RNF182: variants seen among roughly 807,000 people sequenced by gnomAD.
RNF182 encodes E3 ubiquitin-protein ligase RNF182.
Under a neutral mutation model 14.4 loss-of-function variants are expected in RNF182, and 15 were observed. The observed-to-expected ratio is 1.04, with a 90% CI of 0.70 to 1.60. RNF182 has a LOEUF of 1.60. Ranked by LOEUF, RNF182 falls within the 40% of genes most tolerant of loss-of-function variation. The pLI is 0.00. For missense variants in RNF182, 268 were observed against 294.8 expected (o/e 0.91, Z 0.67); for synonymous variants, 128 against 122.9 (o/e 1.04, Z -0.27).
chr6:13,943,352 C>A (rs1759347679), intron 1 of RNF182, among the ~76,000 whole-genome samples: 1 of 151,470 alleles, frequency 6.6e-6, no homozygotes, highest in African/African-American at 2.4e-5. Flanking sequence ...AACTGCTGGG[C>A]TCAAGTGATC....
intron 1 of RNF182, among the ~76,000 whole-genome samples, chr6:13,948,355 G>C (rs1336420224): frequency 6.6e-6 from 1 of 152,126 alleles, no homozygotes; most frequent in Admixed American, 6.6e-5. Context: ...AGACACAATT[G>C]ACAAGGAAAT....
At chr6:13,935,619 A>G (rs1441691245) in intron 1 of RNF182, among the ~76,000 whole-genome samples, 2 of 152,200 alleles carry the variant, frequency 1.3e-5, no homozygotes, top group South Asian at 4.1e-4. Context: ...TTGATGATCC[A>G]AAAAGATAGC....
chr6:13,943,740 A>G (rs898109355), intron 1 of RNF182, among the ~76,000 whole-genome samples: 1 of 152,186 alleles, frequency 6.6e-6, no homozygotes, highest in Non-Finnish European at 1.5e-5. Context: ...TAAAAATGAT[A>G]AGACATATTT....
chr6:13,960,018 A>T (rs1157558440), intron 1 of RNF182, among the ~76,000 whole-genome samples: 2 of 152,198 alleles, frequency 1.3e-5, no homozygotes, highest in African/African-American at 4.8e-5. Context: ...GAGCTGGCAG[A>T]AAAGATTGAG....
chr6:13,946,513 G>C (rs1024336250), intron 1 of RNF182, among the ~76,000 whole-genome samples: 8 of 152,122 alleles, frequency 5.3e-5, no homozygotes, highest in Non-Finnish European at 1.2e-4. Flanking sequence ...AAGATATCAG[G>C]ACATCAGGAC....
chr6:13,944,252 T>C (rs1759379103), intron 1 of RNF182, among the ~76,000 whole-genome samples: 1 of 152,168 alleles, frequency 6.6e-6, no homozygotes, highest in African/African-American at 2.4e-5. Context: ...GGACCTATTA[T>C]CAGGTGTTGG....
chr6:13,928,512 TG>T (rs1324004420), intron 1 of RNF182, among the ~76,000 whole-genome samples: 10 of 152,376 alleles, frequency 6.6e-5, no homozygotes, highest in East Asian at 5.8e-4. Flanking sequence ...AATTTTGTAA[TG>T]TTTTTTTAAA....
intron 1 of RNF182, among the ~76,000 whole-genome samples, chr6:13,953,005 G>C (rs2113617028): frequency 6.6e-6 from 1 of 152,292 alleles, no homozygotes; most frequent in Middle Eastern, 3.4e-3. Context: ...TTTTCCTTTT[G>C]AGATGGAATG....
At chr6:13,951,636 A>T (rs1419428378) in intron 1 of RNF182, among the ~76,000 whole-genome samples, 6 of 152,230 alleles carry the variant, frequency 3.9e-5, no homozygotes, top group Non-Finnish European at 8.8e-5. Flanking sequence ...TTTCACAGAC[A>T]GGCCAGAAGC....
At chr6:13,957,830 ACTT>A (rs1759767441) in intron 1 of RNF182, among the ~76,000 whole-genome samples, 1 of 152,236 alleles carries the variant, frequency 6.6e-6, no homozygotes, top group South Asian at 2.1e-4. Context: ...GACAAAGTAT[ACTT>A]CTTCAGGTTG....
intron 1 of RNF182, among the ~76,000 whole-genome samples, chr6:13,946,885 A>C (rs1759452483): frequency 6.6e-6 from 1 of 152,180 alleles, no homozygotes; most frequent in East Asian, 1.9e-4. Context: ...TTTAGTCATA[A>C]AGTGTTAGTA....
chr6:13,935,991 A>ATT (rs1759099632), intron 1 of RNF182, among the ~76,000 whole-genome samples: 1 of 152,220 alleles, frequency 6.6e-6, no homozygotes, highest in Admixed American at 6.5e-5. Flanking sequence ...GAAACTTAAC[A>ATT]ATCATGGCAC....
intron 1 of RNF182, among the ~76,000 whole-genome samples, chr6:13,934,281 G>GAGTC (rs1161287684): frequency 6.6e-6 from 1 of 152,062 alleles, no homozygotes; most frequent in Non-Finnish European, 1.5e-5. Context: ...TATTGTTATG[G>GAGTC]AGTCTCCTGT....
At chr6:13,938,438 G>T (rs1052255401) in intron 1 of RNF182, among the ~76,000 whole-genome samples, 1 of 152,000 alleles carries the variant, frequency 6.6e-6, no homozygotes, top group African/African-American at 2.4e-5. Context: ...ATTTTTCAAT[G>T]AGAAGTGTTT....
At chr6:13,940,494 CT>C (rs1456053847) in intron 1 of RNF182, among the ~76,000 whole-genome samples, 1 of 151,976 alleles carries the variant, frequency 6.6e-6, no homozygotes, top group East Asian at 1.9e-4. Context: ...CAATCTGTGC[CT>C]TTTTTCCCCC....
intron 1 of RNF182, among the ~76,000 whole-genome samples, chr6:13,969,520 G>T (rs1760123262): frequency 6.6e-6 from 1 of 152,128 alleles, no homozygotes; most frequent in South Asian, 2.1e-4. Context: ...CAGTTGGGAA[G>T]GGAGCAATGT....
At chr6:13,941,634 A>G (rs994531281) in intron 1 of RNF182, among the ~76,000 whole-genome samples, 1 of 152,070 alleles carries the variant, frequency 6.6e-6, no homozygotes, top group African/African-American at 2.4e-5. Context: ...CTTTAAAAAA[A>G]TTAATAAAGA....
Position 13,977,984 on chromosome 6 carries a change from T to C in RNF182, c.*121T>C, listed in dbSNP as rs1760386667. 1 of 1,124,608 alleles carries C rather than the reference T, an allele frequency of 8.9e-7. No individual in the cohort carries two copies. Among genetic ancestry groups the C allele is most frequent in the South Asian group, 1.8e-5 (1 of 55,030 alleles). The allele number at this position is 1,124,608 out of a possible 1,614,324, so 69.7% of individuals were successfully genotyped here. A position where few individuals can be genotyped will look rare whatever the true frequency, so the allele number is the denominator to read the frequency against. Reference sequence around the variant, plus strand: ...AGTATCCATGACATTAACAAAACCCTTGGCCACATGTTGACTTGATTGGTT... The same window carrying C: ...AGTATCCATGACATTAACAAAACCCCTGGCCACATGTTGACTTGATTGGTT... On this transcript the variant is annotated 3_prime_UTR_variant, in exon 3 of 3. Coordinates refer to ENST00000488300, the MANE Select transcript of RNF182 (RefSeq NM_152737.4).
At chr6:13,949,288 C>T in intron 1 of RNF182, 1 of 779,114 alleles carries the variant, frequency 1.3e-6, no homozygotes, top group Non-Finnish European at 2.4e-6. Context: ...CCACATCTGT[C>T]AGAAACCTGA....
Sources: gnomAD v4.1 joint callset for allele counts (sites outside exome capture counted in the v4.1 genomes callset) on GRCh38, gnomAD v4.1.1 for gene constraint, MANE v1.5 for transcripts, NCBI Gene and HGNC (gene_info 2026-07-23, HGNC 2026-07-21) for gene names.